Variants in DMD observed in about 807,000 individuals in gnomAD.
The protein encoded by DMD is mutant dystrophin.
A neutral mutation model predicts 330.1 loss-of-function variants in DMD; 63 were observed. That is an observed-to-expected ratio of 0.19 (90% CI 0.16 to 0.24). DMD has a LOEUF of 0.24. Ranked by LOEUF, DMD falls within the 10% of genes least tolerant of loss-of-function variation. The pLI is 1.00. For missense variants in DMD, 3,344 were observed against 2,684.1 expected, an observed-to-expected ratio of 1.25 and a Z score of -5.43; for synonymous variants, 1,223 against 959.8, an observed-to-expected ratio of 1.27 and a Z score of -5.07.
intron 21 of DMD, among the ~76,000 whole-genome samples, chrX:32,476,284 C>A (rs1411677895): frequency 9.0e-6 from 1 of 111,599 alleles, no homozygotes; most frequent in Non-Finnish European, 1.9e-5. Context: ...CTGAATCTCA[C>A]AGGAATCACT....
intron 61 of DMD, among the ~76,000 whole-genome samples, chrX:31,333,832 A>G (rs1489049154): frequency 9.0e-6 from 1 of 111,725 alleles, no homozygotes; most frequent in Non-Finnish European, 1.9e-5. Flanking sequence ...AGTGCTCTCT[A>G]AAACCTATAT....
At chrX:31,690,193 T>C (rs2148809387) in intron 52 of DMD, among the ~76,000 whole-genome samples, 1 of 111,456 alleles carries the variant, frequency 9.0e-6, no homozygotes, top group East Asian at 2.8e-4. Flanking sequence ...GCCTACAGAA[T>C]GGGAGAAAAT....
chrX:31,607,419 C>A (rs774117961), intron 55 of DMD, among the ~76,000 whole-genome samples: 1 of 112,153 alleles, frequency 8.9e-6, no homozygotes, highest in African/African-American at 3.2e-5. Flanking sequence ...GAGAGCCAAT[C>A]TCCCAGAATT....
At chrX:31,552,199 G>T (rs1329411805) in intron 55 of DMD, among the ~76,000 whole-genome samples, 2 of 111,652 alleles carry the variant, frequency 1.8e-5, no homozygotes, top group Non-Finnish European at 3.8e-5. Flanking sequence ...TGGAGACAGG[G>T]TCTCACCCTG....
chrX:32,448,595 A>T lies in DMD; in HGVS notation c.3647T>A (p.Leu1216His). 2 of 1,208,031 alleles carry T rather than the reference A, an allele frequency of 1.7e-6. No homozygotes were observed. Among genetic ancestry groups the T allele is most frequent in the Non-Finnish European group, 2.2e-6 (2 of 893,148 alleles). The change falls in exon 27 of 79, where the codon CTC (leucine) becomes CAC (histidine). Residue 1216 changes from leucine to histidine, a missense_variant. Leu to His is a moderately conservative substitution (Grantham distance 99). Coordinates refer to ENST00000357033, the MANE Select transcript of DMD (RefSeq NM_004006.3). ...EAQQKEAKVK[L>H]LTESVNSVIA... ...GACACTATTTACAGACTCAGTAAGG[A>T]GTTTCACTTTCGCTTCTTTTTGTTG...
At chrX:32,841,265 G>T (rs940261690) in intron 4 of DMD, among the ~76,000 whole-genome samples, 1 of 110,988 alleles carries the variant, frequency 9.0e-6, no homozygotes, top group Admixed American at 9.6e-5. Flanking sequence ...AAAAACAGAA[G>T]ACTGGGATAC....
intron 7 of DMD, among the ~76,000 whole-genome samples, chrX:32,780,966 A>T (rs2074675818): frequency 9.2e-6 from 1 of 108,609 alleles, no homozygotes; most frequent in East Asian, 2.9e-4. Flanking sequence ...AAAAATAAAA[A>T]AATTAGCCGG....
chrX:33,058,272 C>G (rs781622743), intron 1 of DMD, among the ~76,000 whole-genome samples: 2 of 110,754 alleles, frequency 1.8e-5, no homozygotes, highest in East Asian at 5.7e-4. Flanking sequence ...CTTGTGCATG[C>G]TATTTTGGTG....
At chrX:33,023,162 T>A (rs1177127966) in intron 1 of DMD, among the ~76,000 whole-genome samples, 1 of 112,099 alleles carries the variant, frequency 8.9e-6, no homozygotes, top group Non-Finnish European at 1.9e-5. Flanking sequence ...TCCACACTTT[T>A]AAATTCCCCA....
chrX:33,108,454 A>C (rs1192887887), intron 1 of DMD, among the ~76,000 whole-genome samples: 1 of 51,864 alleles, frequency 1.9e-5, no homozygotes, highest in East Asian at 6.2e-4. Flanking sequence ...TTTAGTACAG[A>C]CGGGGTTTCA....
intron 30 of DMD, among the ~76,000 whole-genome samples, chrX:32,394,036 T>C (rs1443639853): frequency 6.3e-5 from 7 of 111,658 alleles, no homozygotes; most frequent in Admixed American, 5.7e-4. Context: ...CAGACTTTTG[T>C]CTCCACACAT....
chrX:32,692,362 T>C (rs537153807), intron 9 of DMD, among the ~76,000 whole-genome samples: 99 of 111,905 alleles, frequency 8.8e-4, no homozygotes, highest in South Asian at 8.2e-3. Flanking sequence ...TCAGGATGTA[T>C]AAAGGCTTCC....
intron 1 of DMD, among the ~76,000 whole-genome samples, chrX:33,061,700 G>A (rs1159606494): frequency 1.1e-4 from 12 of 111,200 alleles, no homozygotes; most frequent in Non-Finnish European, 2.1e-4. Context: ...ACACAACTTT[G>A]TCCCCAGGAA....
intron 63 of DMD, among the ~76,000 whole-genome samples, chrX:31,248,863 T>C (rs762071706): frequency 1.6e-4 from 18 of 111,220 alleles, no homozygotes; most frequent in Non-Finnish European, 3.2e-4. Flanking sequence ...AGCCCCTCCC[T>C]CATTGGTCCC....
chrX:32,970,979 G>C (rs1161300004), intron 2 of DMD, among the ~76,000 whole-genome samples: 2 of 108,192 alleles, frequency 1.8e-5, no homozygotes, highest in Non-Finnish European at 3.8e-5. Flanking sequence ...TTTCCTTTTT[G>C]AGACAGAGGT....
chrX:32,203,377 A>G (rs753654472), intron 44 of DMD, among the ~76,000 whole-genome samples: 2 of 112,336 alleles, frequency 1.8e-5, no homozygotes, highest in East Asian at 5.6e-4. Flanking sequence ...CACAAGTAGT[A>G]TTGTTTTCCT....
At chrX:31,726,716 G>T (rs942395369) in intron 52 of DMD, among the ~76,000 whole-genome samples, 4 of 111,824 alleles carry the variant, frequency 3.6e-5, no homozygotes, top group Non-Finnish European at 7.5e-5. Context: ...AACATATCTT[G>T]TCAGAATTAT....
chrX:31,278,284 T>C (rs2052343899), intron 62 of DMD, among the ~76,000 whole-genome samples: 1 of 111,699 alleles, frequency 9.0e-6, no homozygotes, highest in South Asian at 3.7e-4. Context: ...TTATAATTTC[T>C]CTAGACTAGG....
chrX:31,306,337 A>T (rs1183847687), intron 62 of DMD, among the ~76,000 whole-genome samples: 1 of 111,734 alleles, frequency 8.9e-6, no homozygotes, highest in African/African-American at 3.2e-5. Context: ...TGAGAAATGA[A>T]GTTCAGAGAG....
Sources: allele counts gnomAD v4.1 joint callset (sites outside exome capture counted in the v4.1 genomes callset), GRCh38; gene constraint gnomAD v4.1.1; transcripts MANE v1.5; gene names NCBI Gene and HGNC (gene_info 2026-07-23, HGNC 2026-07-21).